The following NDUFB8 variants were observed in gnomAD, a reference collection of about 807,000 sequenced individuals.
NDUFB8 encodes NADH:ubiquinone oxidoreductase subunit B8, also known as NADH dehydrogenase [ubiquinone] 1 beta subcomplex subunit 8, mitochondrial.
NDUFB8 carries 17 observed loss-of-function variants against 26.0 expected under a neutral mutation model. The ratio of observed to expected loss-of-function variants is 0.65; its 90% CI spans 0.45 to 0.98. NDUFB8 has a LOEUF of 0.98. Among genes scored for constraint, NDUFB8 ranks in the 50% least tolerant of loss-of-function variants. The pLI, the probability that NDUFB8 is intolerant of heterozygous loss-of-function variation, is 0.00. For missense variants in NDUFB8, 238 were observed against 255.0 expected, an observed-to-expected ratio of 0.93 and a Z score of 0.45; for synonymous variants, 89 against 93.1, an observed-to-expected ratio of 0.96 and a Z score of 0.25.
chr10:100,529,103 G>A lies in NDUFB8; in HGVS notation c.212+277C>T, dbSNP rs1852099946. 1.0e-5 allele frequency: 3 copies of A among 291,582 alleles called. No individual in the cohort carries two copies. In the South Asian group the frequency reaches 1.5e-4, roughly 15 times the overall value. 18.1% of individuals were successfully genotyped at this position (291,582 alleles called of 1,614,324 possible). A position where few individuals can be genotyped will look rare whatever the true frequency, so the allele number is the denominator to read the frequency against. On this transcript the variant is annotated intron_variant, in intron 2 of 4. Coordinates refer to ENST00000299166, the MANE Select transcript of NDUFB8 (RefSeq NM_005004.4). ...AACTCGACGCTCTGGATAGAGCCAA[G>A]GAAGGCTCCTGCTATTCGGGGGTCC...
intron 2 of NDUFB8, chr10:100,529,096 G>C: frequency 3.6e-6 from 1 of 275,002 alleles, no homozygotes; most frequent in Non-Finnish European, 6.8e-6. Flanking sequence ...GCTCTGGATA[G>C]AGCCAAGGAA....
intron 2 of NDUFB8, chr10:100,529,068 A>T: frequency 4.7e-6 from 1 of 212,736 alleles, no homozygotes; most frequent in Non-Finnish European, 9.3e-6. Context: ...CAGATGCTCA[A>T]TCTAAATGAA....
intron 3 of NDUFB8, 32 bp downstream of exon 3, chr10:100,526,943 A>G: frequency 6.3e-7 from 1 of 1,592,996 alleles, no homozygotes; most frequent in Non-Finnish European, 8.6e-7. Context: ...ACAAAGAGAG[A>G]AGGAAGGTCA....
chr10:100,529,424 A>G lies in NDUFB8; in HGVS notation c.168T>C (p.Asn56=). ...AAGGTTCGTAGTCTTCCACACGCATATTATACTTCTTGGCGGCGGCGGCCC... is the reference window on the plus strand; with the variant it reads ...AAGGTTCGTAGTCTTCCACACGCATGTTATACTTCTTGGCGGCGGCGGCCC... ...EERAAAAKKY[N]MRVEDYEPYP... is the part of the protein sequence containing the mutation. The change falls in exon 2 of 5, where the codon AAT becomes AAC. Residue 56 remains asparagine, a synonymous_variant. Transcript: ENST00000299166. The G allele has an allele frequency of 6.2e-7, 1 of 1,612,790 alleles. No individual in the cohort carries two copies. Among genetic ancestry groups the G allele is most frequent in the Non-Finnish European group, 8.5e-7 (1 of 1,179,604 alleles).
At chr10:100,526,897 A>T in intron 3 of NDUFB8, 78 bp downstream of exon 3, 3 of 1,389,086 alleles carry the variant, frequency 2.2e-6, no homozygotes, top group Non-Finnish European at 3.0e-6. Flanking sequence ...TACTTGGTCA[A>T]AGAAGTGCCA....
At chr10:100,529,923 T>G (rs1852124717), upstream of NDUFB8, 1 of 1,517,582 alleles carries the variant, frequency 6.6e-7, no homozygotes, top group Non-Finnish European at 9.0e-7. Context: ...GGGCCAAACG[T>G]GACGGAGGAA....
At chr10:100,526,329 C>T in intron 4 of NDUFB8, 70 bp downstream of exon 4, 10 of 1,499,924 alleles carry the variant, frequency 6.7e-6, no homozygotes, top group Non-Finnish European at 5.3e-6. Context: ...ATTCCTACCC[C>T]AGAGACTTCA....
At chr10:100,526,264 C>T (rs1852048445) in intron 4 of NDUFB8, 135 bp downstream of exon 4, 1 of 1,037,782 alleles carries the variant, frequency 9.6e-7, no homozygotes, top group Non-Finnish European at 1.3e-6. Flanking sequence ...GGGTCAAGGC[C>T]CTCCTATCTT....
rs376696696 is a variant in NDUFB8, at chr10:100,527,109, G to A, written c.213-35C>T. The A allele has an allele frequency of 1.5e-4, 232 of 1,551,592 alleles. 1 individual carries two copies. The highest frequency in any genetic ancestry group is 1.1e-4 in the Non-Finnish European group (122 of 1,124,150). On this transcript the variant is annotated intron_variant, in intron 2 of 4. Transcript: ENST00000299166. Reference sequence around the variant, plus strand: ...AGCAAGAACTTCTGGAAAGGGCTGTGAGCAGCCTCAGACAATTCAGAGTCT... The same window carrying A: ...AGCAAGAACTTCTGGAAAGGGCTGTAAGCAGCCTCAGACAATTCAGAGTCT...
rs1279043913 is a variant in NDUFB8 at position 100,529,796 on chromosome 10, C to T, written c.56G>A (p.Arg19Gln). ...CCGTGCGCCCAGCGGCATCACGTTCCGGGATGCCCTTTGCAGCCACTGGAC... is the reference window on the plus strand; with the variant it reads ...CCGTGCGCCCAGCGGCATCACGTTCTGGGATGCCCTTTGCAGCCACTGGAC... ...LGVQWLQRASRNVMPLGARTA... is the reference protein window; with the variant it reads ...LGVQWLQRASQNVMPLGARTA... The change falls in exon 1 of 5, where the codon CGG (arginine) becomes CAG (glutamine). Residue 19 changes from arginine to glutamine, a missense_variant. Arg to Gln is a conservative substitution (Grantham distance 43, BLOSUM62 1). Transcript: ENST00000299166. 10 of 1,613,582 alleles carry T rather than the reference C, an allele frequency of 6.2e-6. No homozygotes were observed. The highest frequency in any genetic ancestry group is 8.5e-6 in the Non-Finnish European group (10 of 1,179,918).
intron 4 of NDUFB8, 156 bp downstream of exon 4, chr10:100,526,243 G>T: frequency 1.3e-6 from 1 of 751,306 alleles, no homozygotes; most frequent in Non-Finnish European, 2.0e-6. Flanking sequence ...TGGTACTTGT[G>T]GCAGGCCAAT....
In NDUFB8 at chr10:100,527,170, T is replaced by A; in HGVS notation, c.213-96A>T. On this transcript the variant is annotated intron_variant, in intron 2 of 4. Coordinates refer to ENST00000299166, the MANE Select transcript of NDUFB8 (RefSeq NM_005004.4). ...TAGATGAGAAACAAAGTGACAGAGA[T>A]AACTGCCTCACCTAAGGACAAAGGA... 3.0e-6 allele frequency: 3 copies of A among 990,070 alleles called. No individual in the cohort carries two copies. In the South Asian group the frequency reaches 4.1e-5, roughly 14 times the overall value. The allele number at this position is 990,070 out of a possible 1,614,324, so 61.3% of individuals were successfully genotyped here. A position where few individuals can be genotyped will look rare whatever the true frequency, so the allele number is the denominator to read the frequency against.
chr10:100,526,203 G>T, intron 4 of NDUFB8, 196 bp downstream of exon 4: 1 of 530,846 alleles, frequency 1.9e-6, no homozygotes, highest in Non-Finnish European at 3.2e-6. Flanking sequence ...CACCCAGACT[G>T]GTCCAAGAAG....
intron 2 of NDUFB8, 36 bp from the exon 3 acceptor site, chr10:100,527,110 A>G: frequency 6.5e-7 from 1 of 1,541,358 alleles, no homozygotes; most frequent in Non-Finnish European, 9.0e-7. Context: ...AAGGGCTGTG[A>G]GCAGCCTCAG....
rs1431194011 is a variant in NDUFB8, at chr10:100,529,441, C to T, written c.151G>A (p.Ala51Thr). 10 of 1,612,712 alleles carry T rather than the reference C, an allele frequency of 6.2e-6. No individual in the cohort carries two copies. Among genetic ancestry groups the T allele is most frequent in the African/African-American group, 1.3e-5 (1 of 74,778 alleles). The part of the protein sequence containing the change: ...YPRTPEERAA[A>T]AKKYNMRVED... ...ACACGCATATTATACTTCTTGGCGG[C>T]GGCGGCCCGTTCTTCTGGGGTCCTA... The change falls in exon 2 of 5, where the codon GCC becomes ACC. Residue 51 changes from alanine to threonine, a missense_variant. By Grantham distance (58) the Ala-to-Thr change is moderately conservative. Transcript: ENST00000299166.
rs917147305 is a variant in NDUFB8, at chr10:100,526,514, T to G, written c.353A>C (p.Asp118Ala). ...CCAAGAAACAGGTGTGGGGGATGTA[T>G]CCACACGGTTCCTGTTGTACATGTC... ...HLDMYNRNRV[D>A]TSPTPVSWHV... The change falls in exon 4 of 5, where the codon GAT (aspartate) becomes GCT (alanine). Residue 118 changes from aspartate (D) to alanine (A), a missense_variant. By Grantham distance (126) the Asp-to-Ala change is moderately radical (BLOSUM62 -2). Transcript: ENST00000299166. 1.9e-6 allele frequency: 3 copies of G among 1,611,550 alleles called. No individual in the cohort carries two copies. Among genetic ancestry groups the G allele is most frequent in the Non-Finnish European group, 2.5e-6 (3 of 1,179,396 alleles).
At chr10:100,529,740 A>T in intron 1 of NDUFB8, 27 bp downstream of exon 1, 1 of 1,607,066 alleles carries the variant, frequency 6.2e-7, no homozygotes, top group South Asian at 1.1e-5. Flanking sequence ...CCCTTCCCAC[A>T]CTGAGGTCTC....
Position 100,523,944 on chromosome 10 carries a change from A to G in NDUFB8, c.469-15T>C. The stretch of plus-strand genomic sequence containing the variant: ...TGCTTTGGTCCCTACAGAAAAAAAC[A>G]CAGGTCAGCAAGAACATACATTCAG... On this transcript the variant is annotated splice_polypyrimidine_tract_variant and intron_variant, in intron 4 of 4. Coordinates refer to ENST00000299166, the MANE Select transcript of NDUFB8 (RefSeq NM_005004.4). 1 of 1,614,102 alleles carries G rather than the reference A, an allele frequency of 6.2e-7. No homozygotes were observed. The highest frequency in any genetic ancestry group is 8.5e-7 in the Non-Finnish European group (1 of 1,180,016).
intron 4 of NDUFB8, chr10:100,526,129 C>G (rs1249861261): frequency 3.1e-6 from 1 of 327,456 alleles, no homozygotes; most frequent in African/African-American, 2.2e-5. Flanking sequence ...CCCCAAATGG[C>G]AACTCTGGTG....
Sources: allele counts gnomAD v4.1 joint callset, GRCh38; gene constraint gnomAD v4.1.1; transcripts MANE v1.5; gene names NCBI Gene and HGNC (gene_info 2026-07-23, HGNC 2026-07-21).